DNHD1: variants seen among roughly 807,000 people sequenced by gnomAD.
DNHD1 encodes dynein heavy chain domain 1.
DNHD1 carries 383 observed loss-of-function variants against 458.1 expected under a neutral mutation model. The ratio of observed to expected loss-of-function variants is 0.84; its 90% CI spans 0.77 to 0.91. The LOEUF is 0.91. DNHD1 is among the 40% of genes least tolerant of loss of function. The pLI is 0.00. For missense variants in DNHD1, 5,336 were observed against 5,866.1 expected, an observed-to-expected ratio of 0.91 and a Z score of 2.95; for synonymous variants, 2,203 against 2,376.9, an observed-to-expected ratio of 0.93 and a Z score of 2.13.
Position 6,557,568 on chromosome 11 carries a change from G to A in DNHD1, c.8273G>A (p.Arg2758Lys), listed in dbSNP as rs974658161. 2.6e-6 allele frequency: 4 copies of A among 1,551,638 alleles called. No individual in the cohort carries two copies. In the African/African-American group the frequency reaches 4.1e-5, roughly 16 times the overall value. ...ACACCATCCATAGGACCAGTAAGCA[G>A]GGGGATGAAGGAAAGCATAAGTCAC... Reference protein sequence around the residue: ...SLTPSIGPVSRGMKESISHKI... With the variant: ...SLTPSIGPVSKGMKESISHKI... Residue 2758 changes from arginine to lysine, a missense_variant, in exon 25 of 43, where the codon AGG becomes AAG. Physicochemically the swap from Arg to Lys is conservative, Grantham distance 26 (BLOSUM62 2). Coordinates refer to ENST00000254579, the MANE Select transcript of DNHD1 (RefSeq NM_144666.3).
chr11:6,523,202 C>T (rs534728017), intron 10 of DNHD1, among the ~76,000 whole-genome samples: 1 of 152,226 alleles, frequency 6.6e-6, no homozygotes, highest in Admixed American at 6.5e-5. Flanking sequence ...TATATAATCT[C>T]TTGATGTACG....
chr11:6,501,146 T>G lies in DNHD1; in HGVS notation c.747-1607T>G, dbSNP rs565511954. Among the ~76,000 whole-genome samples, 11 of 152,100 alleles carry G rather than the reference T, an allele frequency of 7.2e-5. No individual in the cohort carries two copies. In the South Asian group the frequency reaches 1.5e-3, roughly 20 times the overall value. On this transcript the variant is annotated intron_variant, in intron 3 of 42. Coordinates refer to ENST00000254579, the MANE Select transcript of DNHD1 (RefSeq NM_144666.3). ...ATGTAGTAACAAGGAAGAGGTTAAG[T>G]TTTGTGGGGAGGAAGCTAGATTGTG... is the stretch of plus-strand genomic sequence containing the variant.
rs1476956426 is a variant in DNHD1, at chr11:6,565,691, C to T, written c.10757-4C>T. The T allele has an allele frequency of 1.3e-6, 2 of 1,540,328 alleles. No individual in the cohort carries two copies. The highest frequency in any genetic ancestry group is 1.7e-4 in the Middle Eastern group (1 of 5,930). On this transcript the variant is annotated splice_region_variant and splice_polypyrimidine_tract_variant and intron_variant, in intron 32 of 42. Transcript: ENST00000254579. ...AAGAGCTCCTCTGAATCTTTCTGCC[C>T]CAGGGAAAGGCCTCATGAGAAATCA...
chr11:6,509,923 G>A (rs1183321164), intron 6 of DNHD1, among the ~76,000 whole-genome samples: 2 of 152,114 alleles, frequency 1.3e-5, no homozygotes, highest in South Asian at 2.1e-4. Context: ...CATCTAAAGA[G>A]GATAGTCACT....
rs577573880 is a variant in DNHD1, at chr11:6,548,318, A to G, written c.7014A>G (p.Glu2338=). ...ALVFDLHVSP[E]DGTLVPFTGQ... is the part of the protein sequence containing the mutation. Reference sequence around the variant, plus strand: ...TGTTTGATCTACATGTAAGCCCTGAAGATGGAACACTGGTCCCCTTCACTG... The same window carrying G: ...TGTTTGATCTACATGTAAGCCCTGAGGATGGAACACTGGTCCCCTTCACTG... The change falls in exon 23 of 43, where the codon GAA becomes GAG. Residue 2338 remains glutamate (E), a synonymous_variant. Transcript: ENST00000254579. This position sits in a 1 kb window ranked among gnomAD's most constrained non-coding sequence, Gnocchi z 4.4. The G allele has an allele frequency of 1.0e-5, 16 of 1,551,706 alleles. No homozygotes were observed. In the East Asian group the frequency reaches 2.7e-4, roughly 26 times the overall value.
rs186578797 is a variant in DNHD1, at chr11:6,561,355, G to A, written c.9520-1627G>A. ...AGGTGGGAGGATCACCTGAGCCTGG[G>A]AGGTTGAAGCTGCAGTGAGAAATGA... is the stretch of plus-strand genomic sequence containing the variant. On this transcript the variant is annotated intron_variant, in intron 28 of 42. Coordinates refer to ENST00000254579, the MANE Select transcript of DNHD1 (RefSeq NM_144666.3). Among the ~76,000 whole-genome samples the A allele has an allele frequency of 4.9e-4, 74 of 152,260 alleles. 1 individual carries two copies. The highest frequency in any genetic ancestry group is 1.7e-3 in the African/African-American group (70 of 41,540).
rs760849732 is a variant in DNHD1 at position 6,546,776 on chromosome 11, C to A, written c.5837C>A (p.Pro1946His). The change falls in exon 21 of 43, where the codon CCT (proline) becomes CAT (histidine). Residue 1946 changes from proline to histidine, a missense_variant. This residue lies in a region of DNHD1 where 3,932 missense variants were observed against 4,365.6 expected (regional missense o/e 0.90). Transcript: ENST00000254579. ...AGCGCCAGCCAAGTGCTGGCAGAAC[C>A]TATGACTTACAAGCTGATGAAGCCA... ...FPSASQVLAE[P>H]MTYKLMKPLV... The A allele has an allele frequency of 1.9e-6, 3 of 1,551,700 alleles. No individual in the cohort carries two copies. The East Asian group carries it at 7.3e-5, about 38-fold the overall frequency.
rs769916649 is a variant in DNHD1, at chr11:6,557,084, C to A, written c.7789C>A (p.Leu2597Ile). The A allele has an allele frequency of 9.7e-6, 15 of 1,551,638 alleles. No homozygotes were observed. The highest frequency in any genetic ancestry group is 1.3e-5 in the Non-Finnish European group (15 of 1,147,020). ...CTTCTCCCTACACTCTGTGAGCCAC[C>A]TACTGAGCAGCCTGCAGCTGCTGCC... ...YHFSLHSVSH[L>I]LSSLQLLPNR... The change falls in exon 25 of 43, where the codon CTA (leucine) becomes ATA (isoleucine). Residue 2597 changes from leucine (L) to isoleucine (I), a missense_variant. Leu to Ile is a conservative substitution (Grantham distance 5). Transcript: ENST00000254579.
chr11:6,519,597 C>T lies in DNHD1; in HGVS notation c.1393-3C>T. On this transcript the variant is annotated splice_polypyrimidine_tract_variant and splice_region_variant and intron_variant, in intron 7 of 42. Transcript: ENST00000254579. Reference sequence around the variant, plus strand: ...CTGGTGAGTTTCCACTCTATGCTCACAGGTTCACGAGGACACATACCACAT... The same window carrying T: ...CTGGTGAGTTTCCACTCTATGCTCATAGGTTCACGAGGACACATACCACAT... 6.2e-7 allele frequency: 1 copy of T among 1,614,040 alleles called. No homozygotes were observed. The highest frequency in any genetic ancestry group is 8.5e-7 in the Non-Finnish European group (1 of 1,179,994).
At position 6,548,139 on chromosome 11, in the gene DNHD1, G is replaced by C; in HGVS notation, c.6906-71G>C. ...GACATCACTGTTAGGGTATGGTGGAGTGTGTGAGTGTGTCATAAATGGAAG... is the reference window on the plus strand; with the variant it reads ...GACATCACTGTTAGGGTATGGTGGACTGTGTGAGTGTGTCATAAATGGAAG... On this transcript the variant is annotated intron_variant, in intron 22 of 42. Transcript: ENST00000254579. The surrounding 1 kb of genome is among the most constrained non-coding windows in gnomAD (Gnocchi z 4.4). 6.5e-7 allele frequency: 1 copy of C among 1,543,206 alleles called. No homozygotes were observed. The highest frequency in any genetic ancestry group is 8.8e-7 in the Non-Finnish European group (1 of 1,139,552).
chr11:6,562,414 G>A lies in DNHD1; in HGVS notation c.9520-568G>A, dbSNP rs1395074947. Among the ~76,000 whole-genome samples the A allele has an allele frequency of 2.6e-5, 4 of 152,298 alleles. No individual in the cohort carries two copies. In the South Asian group the frequency reaches 6.2e-4, roughly 24 times the overall value. The stretch of plus-strand genomic sequence containing the variant: ...AAATGAATACACGGTATGGGGCAGG[G>A]AGGGAACCTAGCTAGAGAGAGAGAT... On this transcript the variant is annotated intron_variant, in intron 28 of 42. Transcript: ENST00000254579.
chr11:6,519,507 C>T, intron 7 of DNHD1, 93 bp from the exon 8 acceptor site: 1 of 1,443,984 alleles, frequency 6.9e-7, no homozygotes, highest in Admixed American at 2.0e-5. Flanking sequence ...TTCTAGGTCC[C>T]AGACTCCAAG....
In DNHD1 at chr11:6,558,262, C is replaced by A; in HGVS notation, c.8967C>A (p.Val2989=). The A allele has an allele frequency of 6.4e-7, 1 of 1,551,568 alleles. No individual in the cohort carries two copies. Among genetic ancestry groups the A allele is most frequent in the Non-Finnish European group, 8.7e-7 (1 of 1,146,946 alleles). Residue 2989 remains valine, a synonymous_variant, in exon 25 of 43, where the codon GTC becomes GTA. Transcript: ENST00000254579. ...GEHLPRENLG[V]KQNIKKEMVL... Reference sequence around the variant, plus strand: ...ACCTCCCCAGGGAGAACCTTGGTGTCAAACAGAACATCAAGAAGGAAATGG... The same window carrying A: ...ACCTCCCCAGGGAGAACCTTGGTGTAAAACAGAACATCAAGAAGGAAATGG...
intron 3 of DNHD1, 137 bp downstream of exon 3, chr11:6,499,098 G>T: frequency 1.0e-6 from 1 of 982,690 alleles, no homozygotes; most frequent in Non-Finnish European, 1.4e-6. Flanking sequence ...CACAAAGCTA[G>T]TGTGAGGCTA....
At position 6,547,601 on chromosome 11, in the gene DNHD1, C is replaced by A; in HGVS notation, c.6662C>A (p.Ala2221Glu). 1 of 1,547,142 alleles carries A rather than the reference C, an allele frequency of 6.5e-7. No individual in the cohort carries two copies. The highest frequency in any genetic ancestry group is 8.7e-7 in the Non-Finnish European group (1 of 1,143,536). Residue 2221 changes from alanine (A) to glutamate (E), a missense_variant, in exon 21 of 43, where the codon GCA becomes GAA. Ala to Glu is a moderately radical substitution (Grantham distance 107). Transcript: ENST00000254579. Reference protein sequence around the residue: ...CAGVAEVTSMARILHSLLDLH... With the variant: ...CAGVAEVTSMERILHSLLDLH... Reference sequence around the variant, plus strand: ...GGTGTGGCAGAAGTTACCAGCATGGCACGCATCTTGCATAGTCTGCTTGAC... The same window carrying A: ...GGTGTGGCAGAAGTTACCAGCATGGAACGCATCTTGCATAGTCTGCTTGAC...
At chr11:6,561,244 T>A (rs1156619918) in intron 28 of DNHD1, among the ~76,000 whole-genome samples, 1 of 152,148 alleles carries the variant, frequency 6.6e-6, no homozygotes, top group African/African-American at 2.4e-5. Flanking sequence ...AAGACCAGCC[T>A]GGGCAACACA....
chr11:6,535,780 T>A (rs951343500), intron 14 of DNHD1, among the ~76,000 whole-genome samples: 1 of 152,158 alleles, frequency 6.6e-6, no homozygotes, highest in East Asian at 1.9e-4. Context: ...AATTATTATT[T>A]TGCAACCATC....
chr11:6,526,419 C>T (rs1160587930), intron 10 of DNHD1, among the ~76,000 whole-genome samples: 1 of 151,826 alleles, frequency 6.6e-6, no homozygotes, highest in East Asian at 1.9e-4. Flanking sequence ...CTTTCATTGT[C>T]TCTGGGGATT....
In DNHD1 at chr11:6,564,342, G is replaced by C; in HGVS notation, c.10294G>C (p.Gly3432Arg). ...TTCCCTTCCACTCCAGAAGCTGAAG[G>C]GACGCTGCATGACTGTGTTTGGAGA... ...AWTTQLQKLK[G>R]RCMTVFGDTL... Residue 3432 changes from glycine (G) to arginine (R), a missense_variant, in exon 32 of 43, where the codon GGA (glycine) becomes CGA (arginine). Transcript: ENST00000254579. 6.5e-7 allele frequency: 1 copy of C among 1,534,910 alleles called. No individual in the cohort carries two copies. Among genetic ancestry groups the C allele is most frequent in the Non-Finnish European group, 8.8e-7 (1 of 1,135,578 alleles).
Sources: gnomAD v4.1 joint callset for allele counts (sites outside exome capture counted in the v4.1 genomes callset) on GRCh38, gnomAD v4.1.1 for gene constraint, gnomAD v4.1.1 regional missense constraint, Gnocchi (gnomAD v3.1) non-coding constraint, MANE v1.5 for transcripts, NCBI Gene and HGNC (gene_info 2026-07-23, HGNC 2026-07-21) for gene names.